The following TMEM178B variants were observed in gnomAD, a reference collection of about 807,000 sequenced individuals.
The protein encoded by TMEM178B is transmembrane protein 178B.
TMEM178B carries 5 observed loss-of-function variants against 31.0 expected under a neutral mutation model. The ratio of observed to expected loss-of-function variants is 0.16; its 90% CI spans 0.08 to 0.34. The LOEUF (loss-of-function observed/expected upper bound fraction) is 0.34, where lower values mean the gene tolerates loss of function less well. TMEM178B is among the 10% of genes least tolerant of loss of function. TMEM178B has a pLI of 1.00. For synonymous variants in TMEM178B, 164 were observed against 164.0 expected (o/e 1.00, Z 0.00); for missense variants, 275 against 400.3 (o/e 0.69, Z 2.67).
intron 2 of TMEM178B, among the ~76,000 whole-genome samples, chr7:141,391,491 C>T (rs1190928323): frequency 6.6e-6 from 1 of 152,200 alleles, no homozygotes; most frequent in East Asian, 1.9e-4. Flanking sequence ...CTTTTAAACA[C>T]ACCATTGCTG....
intron 1 of TMEM178B, among the ~76,000 whole-genome samples, chr7:141,100,085 C>T (rs1795029895): frequency 6.6e-6 from 1 of 152,202 alleles, no homozygotes; most frequent in Non-Finnish European, 1.5e-5. Context: ...TCCCAAAGTG[C>T]TGGGATTACA....
chr7:141,193,965 A>G (rs910218890), intron 1 of TMEM178B, among the ~76,000 whole-genome samples: 1 of 152,202 alleles, frequency 6.6e-6, no homozygotes, highest in African/African-American at 2.4e-5. Context: ...AGGGAGAAGC[A>G]AAAGCAGAAC....
chr7:141,255,448 A>G (rs1170839274), intron 2 of TMEM178B, among the ~76,000 whole-genome samples: 8 of 152,222 alleles, frequency 5.3e-5, no homozygotes, highest in Admixed American at 5.2e-4. Context: ...TAACAAACAT[A>G]TGTACCTCTA....
intron 2 of TMEM178B, among the ~76,000 whole-genome samples, chr7:141,310,446 A>T (rs1442676559): frequency 1.3e-5 from 2 of 152,176 alleles, no homozygotes; most frequent in East Asian, 3.8e-4. Flanking sequence ...TCCAAGATAC[A>T]TGTGTAGAAT....
chr7:141,423,448 A>G (rs1032335562), intron 2 of TMEM178B, among the ~76,000 whole-genome samples: 1 of 152,210 alleles, frequency 6.6e-6, no homozygotes, highest in African/African-American at 2.4e-5. Context: ...GACATCTGGT[A>G]CGTATTTTAC....
intron 2 of TMEM178B, among the ~76,000 whole-genome samples, chr7:141,294,229 A>G (rs1463833384): frequency 6.6e-6 from 1 of 152,214 alleles, no homozygotes; most frequent in Non-Finnish European, 1.5e-5. Context: ...GTCTACAAGT[A>G]TTAGTTGCAA....
chr7:141,376,926 G>A (rs574797826), intron 2 of TMEM178B, among the ~76,000 whole-genome samples: 1 of 152,222 alleles, frequency 6.6e-6, no homozygotes, highest in East Asian at 1.9e-4. Context: ...TACTAAAATG[G>A]AAAAGAAGAA....
rs139673636 is a variant in TMEM178B, at chr7:141,387,890, T to G, written c.497-49718T>G. 7.6e-3 allele frequency among the ~76,000 whole-genome samples: 1,157 copies of G among 152,294 alleles called. 22 individuals are homozygous for G. Among genetic ancestry groups the G allele is most frequent in the African/African-American group, 0.025 (1,044 of 41,570 alleles). On this transcript the variant is annotated intron_variant, in intron 2 of 3. Coordinates refer to ENST00000565468, the MANE Select transcript of TMEM178B (RefSeq NM_001195278.2). ...TTCCTCCTCGCCTTGGTGGTCATCC[T>G]GTCGGCCACTCCCCCTTTCCCGCAG...
chr7:141,493,446 C>T, the TMEM178B span, among the ~76,000 whole-genome samples: 3 of 152,314 alleles, frequency 2.0e-5, no homozygotes, highest in African/African-American at 7.2e-5. Context: ...ACCCCTCATC[C>T]TTCCCAAACT....
chr7:141,203,348 G>T (rs774542744), intron 1 of TMEM178B, among the ~76,000 whole-genome samples: 5 of 152,168 alleles, frequency 3.3e-5, no homozygotes, highest in African/African-American at 4.8e-5. Flanking sequence ...CATTGGGTGA[G>T]ACAGCGTCAA....
At chr7:141,137,722 T>G (rs1350217435) in intron 1 of TMEM178B, among the ~76,000 whole-genome samples, 1 of 152,222 alleles carries the variant, frequency 6.6e-6, no homozygotes, top group Non-Finnish European at 1.5e-5. Flanking sequence ...AGGTGATGGA[T>G]ATCCTAAATA....
At chr7:141,095,019 C>T (rs1026479138) in intron 1 of TMEM178B, among the ~76,000 whole-genome samples, 2 of 152,142 alleles carry the variant, frequency 1.3e-5, no homozygotes, top group Admixed American at 6.5e-5. Flanking sequence ...ATAGAAATTA[C>T]GGTCACAAAA....
chr7:141,266,986 A>G (rs1798103971), intron 2 of TMEM178B, among the ~76,000 whole-genome samples: 1 of 152,208 alleles, frequency 6.6e-6, no homozygotes, highest in South Asian at 2.1e-4. Context: ...AAATGAGGCA[A>G]TCCTTCTGGA....
At chr7:141,176,324 G>A (rs983197576) in intron 1 of TMEM178B, among the ~76,000 whole-genome samples, 1 of 152,176 alleles carries the variant, frequency 6.6e-6, no homozygotes, top group Admixed American at 6.5e-5. Context: ...GATCATGGTG[G>A]ATAAGCTTTC....
At chr7:141,365,460 C>T (rs985947559) in intron 2 of TMEM178B, among the ~76,000 whole-genome samples, 3 of 152,122 alleles carry the variant, frequency 2.0e-5, no homozygotes, top group Non-Finnish European at 2.9e-5. Context: ...TGAATTGGGG[C>T]CCATCTCCTT....
At chr7:141,250,381 G>A (rs1586850532) in intron 2 of TMEM178B, among the ~76,000 whole-genome samples, 1 of 152,318 alleles carries the variant, frequency 6.6e-6, no homozygotes, top group East Asian at 1.9e-4. Flanking sequence ...AAGTCACACA[G>A]CTAGTGAGTG....
chr7:141,417,530 G>T (rs976178320), intron 2 of TMEM178B, among the ~76,000 whole-genome samples: 1 of 152,200 alleles, frequency 6.6e-6, no homozygotes, highest in Admixed American at 6.5e-5. Flanking sequence ...TAAGTGAGGG[G>T]TCCCACCCAC....
intron 1 of TMEM178B, among the ~76,000 whole-genome samples, chr7:141,173,495 A>T (rs1320804342): frequency 6.6e-6 from 1 of 152,220 alleles, no homozygotes; most frequent in Non-Finnish European, 1.5e-5. Flanking sequence ...AGACTGAAAG[A>T]TTGGCCTGCA....
intron 2 of TMEM178B, among the ~76,000 whole-genome samples, chr7:141,274,801 G>T (rs1002445832): frequency 3.3e-5 from 5 of 152,216 alleles, no homozygotes; most frequent in African/African-American, 1.2e-4. Flanking sequence ...GGCACAGCTG[G>T]AGGAGGGCCA....
Sources: allele counts gnomAD v4.1 joint callset (sites outside exome capture counted in the v4.1 genomes callset), GRCh38; gene constraint gnomAD v4.1.1; transcripts MANE v1.5; gene names NCBI Gene and HGNC (gene_info 2026-07-23, HGNC 2026-07-21).